Variants in PRRC2A observed in about 807,000 individuals in gnomAD.
The protein encoded by PRRC2A is proline rich coiled-coil 2A.
PRRC2A carries 59 observed loss-of-function variants against 224.6 expected under a neutral mutation model. The observed-to-expected ratio is 0.26, with a 90% CI of 0.21 to 0.33. The LOEUF (loss-of-function observed/expected upper bound fraction) is 0.33. Ranked by LOEUF, PRRC2A falls within the 10% of genes least tolerant of loss-of-function variation. The probability of loss-of-function intolerance (pLI) is 1.00; values close to 1 mark genes in which losing one functional copy is unlikely to be tolerated. For synonymous variants in PRRC2A, 1,194 were observed against 1,109.5 expected (o/e 1.08, Z -1.51); for missense variants, 3,095 against 2,880.7 (o/e 1.07, Z -1.70).
In PRRC2A at chr6:31,635,627, G is replaced by A. The variant is rs749953343; in HGVS notation, c.5419G>A (p.Ala1807Thr). The change falls in exon 24 of 31, where the codon GCC becomes ACC. Residue 1807 changes from alanine to threonine, a missense_variant. By Grantham distance (58) the Ala-to-Thr change is moderately conservative. This residue lies in a region of PRRC2A where 662 missense variants were observed against 609.5 expected (regional missense o/e 1.09). Transcript: ENST00000376033. ...RDWELLPSAA[A>T]SAEPQSKNLD... is the part of the protein sequence containing the mutation. ...CTGGGAGCTGCTTCCCAGTGCTGCT[G>A]CCTCTGCTGAGCCACAATCCAAGAA... The A allele has an allele frequency of 3.1e-6, 5 of 1,612,716 alleles. No individual in the cohort carries two copies. In the South Asian group the frequency reaches 4.4e-5, roughly 14 times the overall value.
intron 1 of PRRC2A, 27 bp downstream of exon 1, chr6:31,620,885 C>G (rs1304051186): frequency 1.3e-5 from 2 of 154,536 alleles, no homozygotes; most frequent in African/African-American, 2.4e-5. Flanking sequence ...CGTGCGCTGA[C>G]GCCCTTTTCC....
In PRRC2A at chr6:31,628,799, C is replaced by G. The variant is rs977552424; in HGVS notation, c.1766-345C>G. 1.1e-5 allele frequency: 3 copies of G among 283,054 alleles called. No homozygotes were observed. In the Admixed American group the frequency reaches 1.4e-4, roughly 14 times the overall value. 17.5% of individuals were successfully genotyped at this position (283,054 alleles called of 1,614,324 possible). The stretch of plus-strand genomic sequence containing the variant: ...GAGATTTCTGTGAGCCAAGACCATG[C>G]CATTGCACTCCAGCCTGGGTGACAG... On this transcript the variant is annotated intron_variant, in intron 12 of 30. Coordinates refer to ENST00000376033, the MANE Select transcript of PRRC2A (RefSeq NM_004638.4).
At chr6:31,629,443 C>T (rs1472715202) in intron 13 of PRRC2A, 105 bp from the exon 14 acceptor site, 14 of 1,463,844 alleles carry the variant, frequency 9.6e-6, no homozygotes, top group Non-Finnish European at 1.3e-5. Context: ...GTCCAGTTGT[C>T]TCCATTGTCA....
chr6:31,633,513 G>C lies in PRRC2A; in HGVS notation c.4454G>C (p.Ser1485Thr). 3.7e-6 allele frequency: 6 copies of C among 1,613,110 alleles called. No homozygotes were observed. The highest frequency in any genetic ancestry group is 5.1e-6 in the Non-Finnish European group (6 of 1,180,034). ...GIQQALAQLSSRQGSVTAPGG... is the reference protein window; with the variant it reads ...GIQQALAQLSTRQGSVTAPGG... The stretch of plus-strand genomic sequence containing the variant: ...CAACAGGCTCTGGCCCAGCTTAGTA[G>C]CCGTCAAGGGAGTGTAACTGCACCA... Residue 1485 changes from serine to threonine, a missense_variant, in exon 17 of 31, where the codon AGC (serine) becomes ACC (threonine). Around this residue, in one of 8 missense-constraint regions of PRRC2A, gnomAD observed 2,001 missense variants for 1,764.9 expected, o/e 1.13. Transcript: ENST00000376033.
Position 31,631,970 on chromosome 6 carries a change from G to C in PRRC2A, c.3297G>C (p.Lys1099Asn). 6.2e-7 allele frequency: 1 copy of C among 1,612,712 alleles called. No individual in the cohort carries two copies. Among genetic ancestry groups the C allele is most frequent in the Non-Finnish European group, 8.5e-7 (1 of 1,179,842 alleles). ...SEGSEYEEIP[K>N]RRRQRGSETG... ...GTTCAGAGTATGAGGAAATCCCCAA[G>C]CGGCGCCGGCAGCGGGGCTCAGAAA... The change falls in exon 16 of 31, where the codon AAG (lysine) becomes AAC (asparagine). Residue 1099 changes from lysine to asparagine, a missense_variant. Transcript: ENST00000376033. This position sits in a 1 kb window ranked among gnomAD's most constrained non-coding sequence, Gnocchi z 4.5.
intron 16 of PRRC2A, 149 bp downstream of exon 16, chr6:31,633,141 G>A: frequency 1.6e-6 from 2 of 1,248,678 alleles, no homozygotes; most frequent in South Asian, 3.2e-5. Flanking sequence ...GTCTGGCTAA[G>A]GCAACTGGAA....
In PRRC2A at chr6:31,633,596, A is replaced by G. The variant is rs1776943186; in HGVS notation, c.4537A>G (p.Arg1513Gly). Residue 1513 changes from arginine to glycine, a missense_variant, in exon 17 of 31, where the codon AGG (arginine) becomes GGG (glycine). Physicochemically the swap from Arg to Gly is moderately radical, Grantham distance 125. Around this residue, in one of 8 missense-constraint regions of PRRC2A, gnomAD observed 2,001 missense variants for 1,764.9 expected, o/e 1.13. Transcript: ENST00000376033. ...CCAAGCCCCTCAGGGCCCCTCTCCT[A>G]GGCCCCCAACCCGATACGAGCCCCA... Reference protein sequence around the residue: ...LPQAPQGPSPRPPTRYEPQRV... With the variant: ...LPQAPQGPSPGPPTRYEPQRV... 2 of 1,612,898 alleles carry G rather than the reference A, an allele frequency of 1.2e-6. No homozygotes were observed.
Position 31,625,346 on chromosome 6 carries a change from C to T in PRRC2A, c.607+32C>T, listed in dbSNP as rs1438447067. On this transcript the variant is annotated intron_variant, in intron 6 of 30. Transcript: ENST00000376033. This position sits in a 1 kb window ranked among gnomAD's most constrained non-coding sequence, Gnocchi z 4.1. The stretch of plus-strand genomic sequence containing the variant: ...GGCTGCCTTTTGGCCAAGACATTAC[C>T]TATTGCATCTCAGAGCTAGGTGCTG... The T allele has an allele frequency of 2.5e-6, 4 of 1,614,050 alleles. No homozygotes were observed. Among genetic ancestry groups the T allele is most frequent in the Non-Finnish European group, 3.4e-6 (4 of 1,180,044 alleles).
rs1263523236 is a variant in PRRC2A, at chr6:31,633,377, AGTC to A, written c.4322_4324del (p.Arg1441del). ...CTGGAGCTAATGCTCTGTTTTCTCC[AGTC>A]GTCCTCCAGAGGAGCGTCCCCCGGG... On this transcript the variant is annotated splice_acceptor_variant and coding_sequence_variant, in exon 17 of 31. Transcript: ENST00000376033. LOFTEE classifies it high-confidence loss of function. 1.2e-6 allele frequency: 2 copies of A among 1,611,338 alleles called. No individual in the cohort carries two copies. The highest frequency in any genetic ancestry group is 1.3e-5 in the African/African-American group (1 of 74,894).
Position 31,636,968 on chromosome 6 carries a change from C to CT in PRRC2A, c.6147+24dup. 1 of 1,604,616 alleles carries CT rather than the reference C, an allele frequency of 6.2e-7. No individual in the cohort carries two copies. Among genetic ancestry groups the CT allele is most frequent in the South Asian group, 1.1e-5 (1 of 90,648 alleles). ...GAGGTAAGGTACAGGAACTGAGGGG[C>CT]TAGGGAGCGCCAAGACTTGGGAGTA... On this transcript the variant is annotated intron_variant, in intron 28 of 30. Coordinates refer to ENST00000376033, the MANE Select transcript of PRRC2A (RefSeq NM_004638.4). This position sits in a 1 kb window ranked among gnomAD's most constrained non-coding sequence, Gnocchi z 4.3.
chr6:31,624,141 A>G (rs2260051), intron 3 of PRRC2A, 120 bp from the exon 4 acceptor site: 1 of 1,180,536 alleles, frequency 8.5e-7, no homozygotes, highest in Non-Finnish European at 1.2e-6. Context: ...GACAAAATTA[A>G]TTTGTCCTTA....
rs1172028969 is a variant in PRRC2A, at chr6:31,627,462, AAAAT to A, written c.1290+268_1290+271del. Among the ~76,000 whole-genome samples the A allele has an allele frequency of 6.6e-6, 1 of 152,176 alleles. No homozygotes were observed. Among genetic ancestry groups the A allele is most frequent in the Non-Finnish European group, 1.5e-5 (1 of 68,024 alleles). ...GTTTCGGAAGGAGAGAGGGAACAGA[AAAAT>A]AAAAAGACTAGGGTGGCTAGATAGC... On this transcript the variant is annotated intron_variant, in intron 11 of 30. Transcript: ENST00000376033. The surrounding 1 kb of genome is among the most constrained non-coding windows in gnomAD (Gnocchi z 5.6).
Position 31,630,684 on chromosome 6 carries a change from C to T in PRRC2A, c.2348C>T (p.Pro783Leu), listed in dbSNP as rs1198406733. ...APAMLRERGT[P>L]PVDPKLAWVG... ...GCTATGTTACGGGAACGGGGCACTC[C>T]ACCGGTGGATCCAAAGTTGGCCTGG... Residue 783 changes from proline (P) to leucine (L), a missense_variant, in exon 15 of 31, where the codon CCA becomes CTA. By Grantham distance (98) the Pro-to-Leu change is moderately conservative. Around this residue, in one of 8 missense-constraint regions of PRRC2A, gnomAD observed 2,001 missense variants for 1,764.9 expected, o/e 1.13. Transcript: ENST00000376033. 5 of 1,614,050 alleles carry T rather than the reference C, an allele frequency of 3.1e-6. No individual in the cohort carries two copies. The highest frequency in any genetic ancestry group is 2.7e-5 in the African/African-American group (2 of 74,884).
chr6:31,633,366 C>T lies in PRRC2A; in HGVS notation c.4320-13C>T, dbSNP rs369392542. The T allele has an allele frequency of 5.0e-6, 8 of 1,608,348 alleles. No individual in the cohort carries two copies. Among genetic ancestry groups the T allele is most frequent in the Non-Finnish European group, 6.8e-6 (8 of 1,176,968 alleles). ...TTTAGTGGATACTGGAGCTAATGCT[C>T]TGTTTTCTCCAGTCGTCCTCCAGAG... On this transcript the variant is annotated splice_polypyrimidine_tract_variant and intron_variant, in intron 16 of 30. Coordinates refer to ENST00000376033, the MANE Select transcript of PRRC2A (RefSeq NM_004638.4).
chr6:31,629,328 G>A lies in PRRC2A; in HGVS notation c.1950G>A (p.Gln650=). ...QKSLPPRFQR[Q]QQEQLLKQQQ... ...CGTTGCCTCCTCGTTTCCAGCGGCAGCAGCAGGTGAAATCAAGTTGTTTAC... is the reference window on the plus strand; with the variant it reads ...CGTTGCCTCCTCGTTTCCAGCGGCAACAGCAGGTGAAATCAAGTTGTTTAC... Residue 650 remains glutamine (Q), a synonymous_variant, in exon 13 of 31, where the codon CAG becomes CAA. Transcript: ENST00000376033. 2 of 1,560,750 alleles carry A rather than the reference G, an allele frequency of 1.3e-6. No individual in the cohort carries two copies. Among genetic ancestry groups the A allele is most frequent in the African/African-American group, 1.4e-5 (1 of 72,950 alleles).
chr6:31,636,905 C>T lies in PRRC2A; in HGVS notation c.6107C>T (p.Ser2036Leu). ...GCTCCTGCTACTCGGGTGCTGCCTT[C>T]ACCTGCCAGGCCCTTCCCCGCTAGC... ...PPAPATRVLP[S>L]PARPFPASLG... Residue 2036 changes from serine to leucine, a missense_variant, in exon 28 of 31, where the codon TCA becomes TTA. Physicochemically the swap from Ser to Leu is moderately radical, Grantham distance 145. This residue lies in a region of PRRC2A where 662 missense variants were observed against 609.5 expected (regional missense o/e 1.09). Transcript: ENST00000376033. The surrounding 1 kb of genome is among the most constrained non-coding windows in gnomAD (Gnocchi z 4.3). 1.2e-6 allele frequency: 2 copies of T among 1,613,050 alleles called. No individual in the cohort carries two copies. Among genetic ancestry groups the T allele is most frequent in the Non-Finnish European group, 8.5e-7 (1 of 1,180,018 alleles).
At chr6:31,624,239 C>T (rs767907893) in intron 3 of PRRC2A, 22 bp from the exon 4 acceptor site, 2 of 1,607,444 alleles carry the variant, frequency 1.2e-6, no homozygotes, top group African/African-American at 1.3e-5. Flanking sequence ...GTGTGAATAA[C>T]CTTCCCATTC....
In PRRC2A at chr6:31,631,154, A is replaced by G. The variant is rs954354596; in HGVS notation, c.2481A>G (p.Pro827=). 6.5e-7 allele frequency: 1 copy of G among 1,529,064 alleles called. No homozygotes were observed. 94.7% of individuals were successfully genotyped at this position (1,529,064 alleles called of 1,614,324 possible). A position where few individuals can be genotyped will look rare whatever the true frequency, so the allele number is the denominator to read the frequency against. Residue 827 remains proline, a synonymous_variant, in exon 16 of 31, where the codon CCA becomes CCG. Transcript: ENST00000376033. The surrounding 1 kb of genome is among the most constrained non-coding windows in gnomAD (Gnocchi z 4.5). ...DDKGMRSETP[P]VPPPPPYLAS... ...GTCTCTTCAGGAGCGAGACTCCTCC[A>G]GTACCTCCCCCACCACCCTATCTGG...
At chr6:31,634,627 C>T (rs1489946967) in intron 20 of PRRC2A, 70 bp downstream of exon 20, 1 of 1,589,278 alleles carries the variant, frequency 6.3e-7, no homozygotes, top group African/African-American at 1.3e-5. Context: ...CCCACCTGCT[C>T]TGGGTTGAGT....
Sources: gnomAD v4.1 joint callset for allele counts (sites outside exome capture counted in the v4.1 genomes callset) on GRCh38, gnomAD v4.1.1 for gene constraint, gnomAD v4.1.1 regional missense constraint, Gnocchi (gnomAD v3.1) non-coding constraint, MANE v1.5 for transcripts, NCBI Gene and HGNC (gene_info 2026-07-23, HGNC 2026-07-21) for gene names.